Variants in FAM227A observed in about 807,000 individuals in gnomAD.
FAM227A encodes the protein family with sequence similarity 227 member A, also known as protein FAM227A.
In FAM227A, 80 loss-of-function variants were observed where a neutral mutation model predicts 74.7. The observed-to-expected ratio is 1.07, with a 90% CI of 0.89 to 1.29. FAM227A has a LOEUF of 1.29. FAM227A is among the 50% of genes most tolerant of loss of function. The pLI is 0.00. For missense variants in FAM227A, 654 were observed against 683.4 expected, an observed-to-expected ratio of 0.96 and a Z score of 0.48; for synonymous variants, 237 against 241.8, an observed-to-expected ratio of 0.98 and a Z score of 0.19.
At chr22:38,605,120 A>G in intron 13 of FAM227A, 134 bp downstream of exon 13, 4 of 576,492 alleles carry the variant, frequency 6.9e-6, no homozygotes, top group South Asian at 2.4e-5. Flanking sequence ...AAGAAAATGC[A>G]CTGTTTGCAT....
At chr22:38,644,719 T>C (rs1400702881) in intron 3 of FAM227A, among the ~76,000 whole-genome samples, 5 of 152,238 alleles carry the variant, frequency 3.3e-5, no homozygotes, top group Admixed American at 6.5e-5. Flanking sequence ...AGATTGTGCA[T>C]GCGCAGGAGC....
At chr22:38,643,217 G>A (rs1490850246) in intron 3 of FAM227A, among the ~76,000 whole-genome samples, 3 of 151,770 alleles carry the variant, frequency 2.0e-5, no homozygotes, top group Admixed American at 6.6e-5. Flanking sequence ...TCAGGAGGCC[G>A]AGGCAGGAGA....
chr22:38,628,098 C>T (rs2091846685), intron 8 of FAM227A, 140 bp downstream of exon 8: 2 of 615,646 alleles, frequency 3.2e-6, no homozygotes, highest in East Asian at 5.5e-5. Context: ...TTTGTAACTT[C>T]TGCATTGCAA....
chr22:38,613,114 T>TATATA (rs2091460962), intron 11 of FAM227A, among the ~76,000 whole-genome samples: 8 of 92,488 alleles, frequency 8.6e-5, no homozygotes, highest in African/African-American at 4.0e-4. Context: ...ATTATATATA[T>TATATA]ATTATATATA....
intron 6 of FAM227A, among the ~76,000 whole-genome samples, chr22:38,634,092 A>G (rs1364600512): frequency 6.6e-6 from 1 of 151,756 alleles, no homozygotes; most frequent in African/African-American, 2.4e-5. Context: ...TGGTGGCTGC[A>G]TATCTGTAGT....
At chr22:38,592,018 G>A (rs1181448420) in intron 15 of FAM227A, among the ~76,000 whole-genome samples, 1 of 149,564 alleles carries the variant, frequency 6.7e-6, no homozygotes, top group African/African-American at 2.5e-5. Flanking sequence ...ACATGATCTT[G>A]GCTCACTGCA....
At position 38,606,143 on chromosome 22, in the gene FAM227A, T is replaced by C. The variant is rs1221421555; in HGVS notation, c.1127-795A>G. On this transcript the variant is annotated intron_variant, in intron 12 of 16. Coordinates refer to ENST00000535113, the MANE Select transcript of FAM227A (RefSeq NM_001013647.2). Reference sequence around the variant, plus strand: ...ACAGCCCCTATGCCCCAGAGCCCATTGGAATTATCCAATCCAGCCAATTCT... The same window carrying C: ...ACAGCCCCTATGCCCCAGAGCCCATCGGAATTATCCAATCCAGCCAATTCT... 2.0e-5 allele frequency among the ~76,000 whole-genome samples: 3 copies of C among 152,148 alleles called. No homozygotes were observed. The East Asian group carries it at 5.8e-4, about 29-fold the overall frequency.
chr22:38,651,702 C>T (rs967101412), intron 1 of FAM227A, among the ~76,000 whole-genome samples: 4 of 151,950 alleles, frequency 2.6e-5, no homozygotes. Context: ...TTCTCTGAAA[C>T]ATGGTAAGTT....
chr22:38,612,568 A>T (rs1251623156), intron 11 of FAM227A, among the ~76,000 whole-genome samples: 1 of 152,070 alleles, frequency 6.6e-6, no homozygotes, highest in African/African-American at 2.4e-5. Context: ...CATATGTGAA[A>T]CCCATCCCCA....
At chr22:38,644,713 T>G (rs1025318473) in intron 3 of FAM227A, among the ~76,000 whole-genome samples, 1 of 152,218 alleles carries the variant, frequency 6.6e-6, no homozygotes, top group African/African-American at 2.4e-5. Context: ...TGGGGGAGAT[T>G]GTGCATGCGC....
rs779397566 is a variant in FAM227A at position 38,645,576 on chromosome 22, G to A, written c.212C>T (p.Ser71Leu). 18 of 1,551,038 alleles carry A rather than the reference G, an allele frequency of 1.2e-5. No individual in the cohort carries two copies. The highest frequency in any genetic ancestry group is 4.8e-5 in the South Asian group (4 of 84,030). Residue 71 changes from serine (S) to leucine (L), a missense_variant, in exon 3 of 17, where the codon TCG (serine) becomes TTG (leucine). By Grantham distance (145) the Ser-to-Leu change is moderately radical. Coordinates refer to ENST00000535113, the MANE Select transcript of FAM227A (RefSeq NM_001013647.2). ...TAGGTAACTCACCAGGCTGTTGGCC[G>A]ACGGCTCGGTACGCAGATTTATGTC... The part of the protein sequence containing the change: ...IADINLRTEP[S>L]ANSLAIERFE...
chr22:38,596,849 T>G (rs1056349186), intron 15 of FAM227A, among the ~76,000 whole-genome samples: 1 of 152,062 alleles, frequency 6.6e-6, no homozygotes, highest in Non-Finnish European at 1.5e-5. Context: ...ACAGTATGAC[T>G]CTACACTACT....
At chr22:38,620,677 C>T (rs1013282251) in intron 10 of FAM227A, among the ~76,000 whole-genome samples, 3 of 151,482 alleles carry the variant, frequency 2.0e-5, no homozygotes, top group Non-Finnish European at 4.4e-5. Flanking sequence ...GGCATGGTGG[C>T]GCGCGCCTGT....
At chr22:38,644,248 T>C (rs546966926) in intron 3 of FAM227A, among the ~76,000 whole-genome samples, 2 of 151,168 alleles carry the variant, frequency 1.3e-5, no homozygotes, top group Admixed American at 6.6e-5. Context: ...TCCAACTATA[T>C]GGCATTATGG....
chr22:38,599,097 T>C (rs754380549), intron 14 of FAM227A, among the ~76,000 whole-genome samples: 5 of 151,918 alleles, frequency 3.3e-5, no homozygotes, highest in Non-Finnish European at 2.9e-5. Context: ...GCTGCGATTA[T>C]ACAGGCACGC....
Position 38,579,107 on chromosome 22 carries a change from G to A in FAM227A, c.*7018C>T, listed in dbSNP as rs1448122963. ...TAACTGACATGCTAAACCACTATAT[G>A]GCAGGCTTGTATATTCATATCTTGA... is the stretch of plus-strand genomic sequence containing the variant. On this transcript the variant is annotated 3_prime_UTR_variant, in exon 17 of 17. Transcript: ENST00000535113. 2 of 152,118 alleles carry A rather than the reference G, an allele frequency of 1.3e-5. No individual in the cohort carries two copies. Among genetic ancestry groups the A allele is most frequent in the Non-Finnish European group, 2.9e-5 (2 of 68,046 alleles). 9.4% of individuals were successfully genotyped at this position (152,118 alleles called of 1,614,324 possible). A position where few individuals can be genotyped will look rare whatever the true frequency, so the allele number is the denominator to read the frequency against.
chr22:38,640,331 C>A (rs184740515), intron 3 of FAM227A, among the ~76,000 whole-genome samples: 1 of 152,236 alleles, frequency 6.6e-6, no homozygotes, highest in East Asian at 1.9e-4. Flanking sequence ...CCACGTCCAG[C>A]CTCTTCTAGG....
chr22:38,609,805 CT>C (rs747560341), intron 11 of FAM227A, among the ~76,000 whole-genome samples: 4 of 151,516 alleles, frequency 2.6e-5, no homozygotes, highest in Non-Finnish European at 5.9e-5. Context: ...GAGTTTCACT[CT>C]TGTTGCCCAG....
chr22:38,593,462 G>A (rs771005871), intron 15 of FAM227A, among the ~76,000 whole-genome samples: 6 of 152,226 alleles, frequency 3.9e-5, no homozygotes, highest in East Asian at 1.9e-4. Flanking sequence ...CCGAGACTGC[G>A]CCTCTGCACT....
Sources: allele counts gnomAD v4.1 joint callset (sites outside exome capture counted in the v4.1 genomes callset), GRCh38; gene constraint gnomAD v4.1.1; transcripts MANE v1.5; gene names NCBI Gene and HGNC (gene_info 2026-07-23, HGNC 2026-07-21).